YEATS4: variants seen among roughly 807,000 people sequenced by gnomAD.
The protein encoded by YEATS4 is YEATS domain containing 4, also known as YEATS domain-containing protein 4.
In YEATS4, 17 loss-of-function variants were observed where a neutral mutation model predicts 30.1. That is an observed-to-expected ratio of 0.56 (90% CI 0.39 to 0.85). YEATS4 has a LOEUF of 0.85. Among genes scored for constraint, YEATS4 ranks in the 40% least tolerant of loss-of-function variants. The probability of loss-of-function intolerance (pLI) is 0.00; values close to 1 mark genes in which losing one functional copy is unlikely to be tolerated. For synonymous variants in YEATS4, 85 were observed against 87.5 expected, an observed-to-expected ratio of 0.97 and a Z score of 0.16; for missense variants, 142 against 268.3, an observed-to-expected ratio of 0.53 and a Z score of 3.29.
At chr12:69,416,905 T>G in the YEATS4 span, among the ~76,000 whole-genome samples, 1 of 151,814 alleles carries the variant, frequency 6.6e-6, no homozygotes, top group South Asian at 2.1e-4. Flanking sequence ...AAACCCCATC[T>G]CTACTAAAAA....
In YEATS4 at chr12:69,359,915, C is replaced by T; in HGVS notation, c.-58C>T. The stretch of plus-strand genomic sequence containing the variant: ...GGAGCGCGGTCTCTGAGGGGAGCGG[C>T]GACCCCGCCAGCCCCGGTCTCTTTC... On this transcript the variant is annotated 5_prime_UTR_variant, in exon 1 of 7. Coordinates refer to ENST00000247843, the MANE Select transcript of YEATS4 (RefSeq NM_006530.4). 1 of 1,602,990 alleles carries T rather than the reference C, an allele frequency of 6.2e-7. No homozygotes were observed. The highest frequency in any genetic ancestry group is 1.3e-5 in the African/African-American group (1 of 74,630).
the YEATS4 span, among the ~76,000 whole-genome samples, chr12:69,407,575 C>T: frequency 2.6e-5 from 4 of 152,036 alleles, no homozygotes; most frequent in Admixed American, 6.6e-5. Context: ...CTTAATTGGA[C>T]TTGTGAAGGG....
At chr12:69,418,500 G>A in the YEATS4 span, among the ~76,000 whole-genome samples, 1 of 152,138 alleles carries the variant, frequency 6.6e-6, no homozygotes, top group Non-Finnish European at 1.5e-5. Context: ...AATCTTGATT[G>A]TCAGTTTGCT....
At chr12:69,387,338 A>G (rs560054652) in intron 6 of YEATS4, among the ~76,000 whole-genome samples, 1 of 152,364 alleles carries the variant, frequency 6.6e-6, no homozygotes, top group African/African-American at 2.4e-5. Flanking sequence ...GTAGGGAAAC[A>G]GACACAATGC....
the YEATS4 span, among the ~76,000 whole-genome samples, chr12:69,418,456 A>T: frequency 6.6e-6 from 1 of 152,100 alleles, no homozygotes; most frequent in Non-Finnish European, 1.5e-5. Context: ...TGTCTCAAAA[A>T]AAACATTGTT....
the YEATS4 span, among the ~76,000 whole-genome samples, chr12:69,418,019 T>C: frequency 6.6e-6 from 1 of 152,182 alleles, no homozygotes; most frequent in Non-Finnish European, 1.5e-5. Flanking sequence ...TTTACCTTAG[T>C]CAAATAAAGC....
chr12:69,413,623 A>G, the YEATS4 span, among the ~76,000 whole-genome samples: 2 of 151,110 alleles, frequency 1.3e-5, no homozygotes, highest in Non-Finnish European at 2.9e-5. Flanking sequence ...AGGCCGAGAC[A>G]GGCAGATCAC....
At chr12:69,397,485 T>C in the YEATS4 span, among the ~76,000 whole-genome samples, 5 of 152,102 alleles carry the variant, frequency 3.3e-5, no homozygotes, top group Admixed American at 1.3e-4. Context: ...GTTCTCAAGA[T>C]AGTGAATAAG....
At chr12:69,386,076 T>TA (rs1592859937) in intron 6 of YEATS4, among the ~76,000 whole-genome samples, 2 of 152,216 alleles carry the variant, frequency 1.3e-5, no homozygotes, top group Non-Finnish European at 2.9e-5. Context: ...ATTGGGAAAT[T>TA]AAAAACAGAA....
At chr12:69,363,207 A>T (rs1369126150) in intron 2 of YEATS4, among the ~76,000 whole-genome samples, 1 of 151,538 alleles carries the variant, frequency 6.6e-6, no homozygotes, top group East Asian at 1.9e-4. Flanking sequence ...GTTAGCCAGG[A>T]TGGTCTCAAT....
the YEATS4 span, among the ~76,000 whole-genome samples, chr12:69,420,167 A>G: frequency 1.3e-5 from 2 of 152,220 alleles, no homozygotes; most frequent in East Asian, 3.8e-4. Flanking sequence ...TCCCTCAGCT[A>G]CTGAATAGAG....
downstream of YEATS4, among the ~76,000 whole-genome samples, chr12:69,392,674 C>G (rs1235311638): frequency 1.3e-5 from 2 of 152,264 alleles, no homozygotes; most frequent in South Asian, 4.1e-4. Flanking sequence ...TTCATTTTTT[C>G]TAACCAATGT....
the YEATS4 span, among the ~76,000 whole-genome samples, chr12:69,406,101 A>G: frequency 6.6e-6 from 1 of 152,216 alleles, no homozygotes; most frequent in Admixed American, 6.5e-5. Context: ...TGTAATGACC[A>G]TCTTTGCATA....
At chr12:69,375,348 G>T (rs973845991) in intron 6 of YEATS4, among the ~76,000 whole-genome samples, 2 of 150,332 alleles carry the variant, frequency 1.3e-5, no homozygotes, top group Non-Finnish European at 3.0e-5. Flanking sequence ...GAGGATGGGC[G>T]GCCGGACAGA....
intron 2 of YEATS4, among the ~76,000 whole-genome samples, chr12:69,363,130 C>G (rs1293884188): frequency 2.0e-5 from 3 of 151,448 alleles, no homozygotes; most frequent in Non-Finnish European, 4.4e-5. Flanking sequence ...GTAGCTGGGA[C>G]TACAGGCGCC....
chr12:69,419,511 C>T, the YEATS4 span, among the ~76,000 whole-genome samples: 1 of 152,236 alleles, frequency 6.6e-6, no homozygotes, highest in South Asian at 2.1e-4. Context: ...TGTGAGCCAC[C>T]ACCTGGCCTC....
the YEATS4 span, among the ~76,000 whole-genome samples, chr12:69,398,188 G>A: frequency 2.0e-5 from 3 of 152,116 alleles, no homozygotes; most frequent in Admixed American, 6.6e-5. Context: ...TGTGTGGGAG[G>A]TTCTAGCCAG....
At chr12:69,399,966 A>G in the YEATS4 span, among the ~76,000 whole-genome samples, 1 of 152,134 alleles carries the variant, frequency 6.6e-6, no homozygotes, top group South Asian at 2.1e-4. Context: ...TTGCCAGGAG[A>G]TGGGTGGGGA....
At chr12:69,380,383 A>G (rs1323871075) in intron 6 of YEATS4, among the ~76,000 whole-genome samples, 1 of 152,228 alleles carries the variant, frequency 6.6e-6, no homozygotes, top group Non-Finnish European at 1.5e-5. Flanking sequence ...GGTCTTGGAT[A>G]AGATCCAGAA....
Sources: allele counts gnomAD v4.1 joint callset (sites outside exome capture counted in the v4.1 genomes callset), GRCh38; gene constraint gnomAD v4.1.1; transcripts MANE v1.5; gene names NCBI Gene and HGNC (gene_info 2026-07-23, HGNC 2026-07-21).